MZT2A: variants seen among roughly 807,000 people sequenced by gnomAD.
MZT2A encodes the protein mitotic spindle organizing protein 2A.
MZT2A carries 8 observed loss-of-function variants against 12.4 expected under a neutral mutation model. The ratio of observed to expected loss-of-function variants is 0.64; its 90% CI spans 0.38 to 1.16. MZT2A has a LOEUF of 1.16. MZT2A is among the 50% of genes most tolerant of loss of function. MZT2A has a pLI of 0.01. For missense variants in MZT2A, 181 were observed against 223.6 expected, an observed-to-expected ratio of 0.81 and a Z score of 1.22; for synonymous variants, 88 against 107.5, an observed-to-expected ratio of 0.82 and a Z score of 1.12.
chr2:131,491,923 T>A lies in MZT2A; in HGVS notation c.272A>T (p.Asp91Val), dbSNP rs1432077787. The change falls in exon 2 of 3, where the codon GAC (aspartate) becomes GTC (valine). Residue 91 changes from aspartate (D) to valine (V), a missense_variant. Asp to Val is a radical substitution (Grantham distance 152). Coordinates refer to ENST00000309451, the MANE Select transcript of MZT2A (RefSeq NM_001085365.2). Reference sequence around the variant, plus strand: ...CGTGGGCAGAGACACGGCCGCAGGGTCCTGGGGCTCGCTCGCTAGCCTCTG... The same window carrying A: ...CGTGGGCAGAGACACGGCCGCAGGGACCTGGGGCTCGCTCGCTAGCCTCTG... ...AGQRLASEPQ[D>V]PAAVSLPTSS... The A allele has an allele frequency of 1.3e-6, 2 of 1,533,252 alleles. No homozygotes were observed. Among genetic ancestry groups the A allele is most frequent in the Non-Finnish European group, 8.8e-7 (1 of 1,137,182 alleles). 95.0% of individuals were successfully genotyped at this position (1,533,252 alleles called of 1,614,324 possible). A position where few individuals can be genotyped will look rare whatever the true frequency, so the allele number is the denominator to read the frequency against.
At chr2:131,492,911 C>T, upstream of MZT2A, 5 of 1,515,470 alleles carry the variant, frequency 3.3e-6, no homozygotes, top group Non-Finnish European at 4.4e-6. Context: ...CAGCTAAGGA[C>T]CACTCCCTCC....
At chr2:131,474,905 A>C (rs1456198700) in intron 2 of MZT2A, among the ~76,000 whole-genome samples, 2 of 152,024 alleles carry the variant, frequency 1.3e-5, no homozygotes, top group African/African-American at 4.8e-5. Context: ...AACTGCTGCC[A>C]ATATATTAAG....
At chr2:131,483,046 G>A, downstream of MZT2A, 5 of 916,094 alleles carry the variant, frequency 5.5e-6, no homozygotes, top group Non-Finnish European at 8.0e-6. Context: ...GTGGGGTTGG[G>A]TGCAGCAGGA....
rs1399039837 is a variant in MZT2A at position 131,477,029 on chromosome 2, TTTTC to T, written c.279-4851_279-4848del. ...GTCAGTTATCCTTTTTTTCCTTTCT[TTTTC>T]TTTCTTTTTTTTTTTTGAGACAGCA... On this transcript the variant is annotated intron_variant and NMD_transcript_variant, in intron 2 of 4. Coordinates refer to the MZT2A transcript ENST00000427024. Among the ~76,000 whole-genome samples, 23 of 142,648 alleles carry T rather than the reference TTTTC, an allele frequency of 1.6e-4. 1 individual carries two copies. The highest frequency in any genetic ancestry group is 9.7e-4 in the East Asian group (5 of 5,160). 93.6% of individuals were successfully genotyped at this position (142,648 alleles called of 152,430 possible). A position where few individuals can be genotyped will look rare whatever the true frequency, so the allele number is the denominator to read the frequency against.
At chr2:131,490,615 C>A in intron 2 of MZT2A, 1 of 1,548,168 alleles carries the variant, frequency 6.5e-7, no homozygotes, top group Non-Finnish European at 8.7e-7. Context: ...ATGATCCTGC[C>A]CTTGCAGCTC....
Position 131,475,319 on chromosome 2 carries a change from CTTTTTTTTTTTTTTT to C in MZT2A, c.279-3152_279-3138del, listed in dbSNP as rs551443616. 2.0e-4 allele frequency among the ~76,000 whole-genome samples: 19 copies of C among 94,534 alleles called. 1 individual carries two copies. Among genetic ancestry groups the C allele is most frequent in the African/African-American group, 5.3e-4 (13 of 24,634 alleles). The allele number at this position is 94,534 out of a possible 152,430, so 62.0% of individuals were successfully genotyped here. On this transcript the variant is annotated intron_variant and NMD_transcript_variant, in intron 2 of 4. Transcript: ENST00000427024. ...TACGTTAATTTTGCCTCCTTTCTTC[CTTTTTTTTTTTTTTT>C]TTTTTTTTTTTGAAACGGAGTATGG...
At chr2:131,473,973 G>C (rs11678212) in intron 2 of MZT2A, among the ~76,000 whole-genome samples, 12,205 of 148,370 alleles carry the variant, frequency 0.082, 735 homozygotes, top group Middle Eastern at 0.13. Context: ...TCAGTCACAC[G>C]CCTTGTACTC....
downstream of MZT2A, among the ~76,000 whole-genome samples, chr2:131,483,447 C>G (rs147442081): frequency 7.2e-5 from 11 of 152,318 alleles, 1 homozygote; most frequent in East Asian, 2.1e-3. Context: ...TGCGTACACA[C>G]AGCAACCCTG....
Position 131,472,897 on chromosome 2 carries a change from A to C in MZT2A, c.279-715T>G, listed in dbSNP as rs1416884469. On this transcript the variant is annotated intron_variant and NMD_transcript_variant, in intron 2 of 4. Coordinates refer to the MZT2A transcript ENST00000427024. ...GTTGGAGCCTTGAGGAAGGGGGACT[A>C]TGGACTGAATGGTGTCCCCCCCCAC... 2.0e-5 allele frequency among the ~76,000 whole-genome samples: 3 copies of C among 149,284 alleles called. No homozygotes were observed. The Middle Eastern group carries it at 0.01, about 508-fold the overall frequency.
At position 131,478,097 on chromosome 2, in the gene MZT2A, T is replaced by C. The variant is rs986415142; in HGVS notation, c.279-5915A>G. 4 of 1,558,100 alleles carry C rather than the reference T, an allele frequency of 2.6e-6. No homozygotes were observed. In the African/African-American group the frequency reaches 5.5e-5, roughly 21 times the overall value. ...GTATATAAATATTAAATTAGAATAT[T>C]TTGCATGCCATATAGTTTCAAGTTG... is the stretch of plus-strand genomic sequence containing the variant. On this transcript the variant is annotated intron_variant and NMD_transcript_variant, in intron 2 of 4. Transcript: ENST00000427024.
chr2:131,476,447 T>G (rs2105267365), intron 2 of MZT2A, among the ~76,000 whole-genome samples: 1 of 151,930 alleles, frequency 6.6e-6, no homozygotes, highest in African/African-American at 2.4e-5. Context: ...CGGTGTCCCG[T>G]CCCCCAGAGA....
intron 2 of MZT2A, among the ~76,000 whole-genome samples, chr2:131,486,866 A>G (rs904465597): frequency 6.6e-6 from 1 of 152,114 alleles, no homozygotes; most frequent in African/African-American, 2.4e-5. Flanking sequence ...GCCATAACTG[A>G]TATTAAGAAA....
chr2:131,470,183 A>T (rs1704953612), intron 4 of MZT2A: 1 of 372,864 alleles, frequency 2.7e-6, no homozygotes, highest in Non-Finnish European at 5.4e-6. Context: ...GGCTACTTCC[A>T]TCTCCTCCTC....
At chr2:131,492,172 C>T (rs755723506) in intron 1 of MZT2A, 35 bp downstream of exon 1, 1 of 1,536,530 alleles carries the variant, frequency 6.5e-7, no homozygotes, top group African/African-American at 1.4e-5. Flanking sequence ...TCGGGGGTGT[C>T]TGGCGAGCAT....
At chr2:131,481,921 C>G (rs1678877677), downstream of MZT2A, among the ~76,000 whole-genome samples, 1 of 152,222 alleles carries the variant, frequency 6.6e-6, no homozygotes, top group African/African-American at 2.4e-5. Flanking sequence ...TGACCCTGTG[C>G]ACTGCGGCCA....
intron 2 of MZT2A, chr2:131,490,209 A>C: frequency 1.3e-6 from 1 of 776,424 alleles, no homozygotes; most frequent in South Asian, 5.5e-5. Context: ...CCAACTCAGG[A>C]GTGAGGCGGG....
intron 2 of MZT2A, among the ~76,000 whole-genome samples, chr2:131,484,736 C>G (rs1251110806): frequency 6.6e-6 from 1 of 152,204 alleles, no homozygotes; most frequent in Non-Finnish European, 1.5e-5. Flanking sequence ...ATTTTGGAAG[C>G]TCTTTCATTG....
At chr2:131,475,930 C>T (rs1678645162) in intron 2 of MZT2A, among the ~76,000 whole-genome samples, 3 of 147,128 alleles carry the variant, frequency 2.0e-5, no homozygotes, top group Admixed American at 6.6e-5. Flanking sequence ...CCTCAGCAAC[C>T]GCGCAGCCTT....
chr2:131,492,695 C>A (rs1211694220), upstream of MZT2A: 3 of 1,244,938 alleles, frequency 2.4e-6, no homozygotes, highest in Non-Finnish European at 1.0e-6. Flanking sequence ...CAGTGCCAGG[C>A]ATACATTGGG....
Sources: allele counts gnomAD v4.1 joint callset (sites outside exome capture counted in the v4.1 genomes callset), GRCh38; gene constraint gnomAD v4.1.1; transcripts MANE v1.5; gene names NCBI Gene and HGNC (gene_info 2026-07-23, HGNC 2026-07-21).